GCNT1: variants seen among roughly 807,000 people sequenced by gnomAD.
GCNT1 encodes the protein glucosaminyl (N-acetyl) transferase 1.
GCNT1 carries 16 observed loss-of-function variants against 26.2 expected under a neutral mutation model. The ratio of observed to expected loss-of-function variants is 0.61; its 90% CI spans 0.41 to 0.93. The LOEUF (loss-of-function observed/expected upper bound fraction) is 0.93. GCNT1 is among the 40% of genes least tolerant of loss of function. The pLI, the probability that GCNT1 is intolerant of heterozygous loss-of-function variation, is 0.00. For synonymous variants in GCNT1, 183 were observed against 190.8 expected (o/e 0.96, Z 0.34); for missense variants, 477 against 526.7 (o/e 0.91, Z 0.92).
At chr9:76,430,978 A>T (rs1263843249) in intron 1 of GCNT1, among the ~76,000 whole-genome samples, 1 of 152,172 alleles carries the variant, frequency 6.6e-6, no homozygotes, top group African/African-American at 2.4e-5. Flanking sequence ...GAGCCACTGT[A>T]CCTGGCCTCA....
At chr9:76,449,269 GC>G (rs1159013891) in intron 1 of GCNT1, among the ~76,000 whole-genome samples, 1 of 151,752 alleles carries the variant, frequency 6.6e-6, no homozygotes, top group Admixed American at 6.6e-5. Context: ...CCACACTCCA[GC>G]CTGGGCAACA....
upstream of GCNT1, among the ~76,000 whole-genome samples, chr9:76,439,196 C>T (rs966192057): frequency 3.3e-5 from 5 of 151,176 alleles, no homozygotes; most frequent in Non-Finnish European, 7.4e-5. Flanking sequence ...GATGTGCAGT[C>T]AGCAATCTGT....
rs35387152 is a variant in GCNT1 at position 76,467,897 on chromosome 9, G to GTTTTTT, written c.-290+7744_-290+7749dup. On this transcript the variant is annotated intron_variant, in intron 2 of 3. Coordinates refer to ENST00000376730, the MANE Select transcript of GCNT1 (RefSeq NM_001490.5). ...GAATGCCAGTGGTCCCTCTTTCAGT[G>GTTTTTT]TTTTTTTTTTTTTTTTTTTTTTTTT... Among the ~76,000 whole-genome samples the GTTTTTT allele has an allele frequency of 3.4e-4, 20 of 59,094 alleles. 1 individual carries two copies. The highest frequency in any genetic ancestry group is 8.7e-4 in the African/African-American group (12 of 13,814). The allele number at this position is 59,094 out of a possible 152,430, so 38.8% of individuals were successfully genotyped here. A position where few individuals can be genotyped will look rare whatever the true frequency, so the allele number is the denominator to read the frequency against.
intron 1 of GCNT1, among the ~76,000 whole-genome samples, chr9:76,433,006 C>G (rs1024604430): frequency 6.6e-6 from 1 of 152,174 alleles, no homozygotes; most frequent in African/African-American, 2.4e-5. Context: ...CCCAGCCACA[C>G]TGAGAGAGAG....
chr9:76,468,368 A>C (rs1308944850), intron 2 of GCNT1, among the ~76,000 whole-genome samples: 2 of 152,294 alleles, frequency 1.3e-5, no homozygotes, highest in East Asian at 1.9e-4. Flanking sequence ...AGAAACACAA[A>C]GGCTTTAAAT....
chr9:76,483,939 C>G (rs551956125), intron 2 of GCNT1, among the ~76,000 whole-genome samples: 1 of 152,290 alleles, frequency 6.6e-6, no homozygotes, highest in South Asian at 2.1e-4. Flanking sequence ...CTCAACCTTC[C>G]AAGTAGCTGG....
At chr9:76,467,180 C>T (rs550644210) in intron 2 of GCNT1, among the ~76,000 whole-genome samples, 23 of 152,226 alleles carry the variant, frequency 1.5e-4, no homozygotes, top group South Asian at 4.2e-4. Context: ...GTATCTGGGA[C>T]TACAGGCACC....
rs181034927 is a variant in GCNT1, at chr9:76,506,813, G to C, written c.*3145G>C. 6.0e-6 allele frequency: 1 copy of C among 166,870 alleles called. No individual in the cohort carries two copies. The highest frequency in any genetic ancestry group is 1.5e-5 in the Non-Finnish European group (1 of 68,082). 10.3% of individuals were successfully genotyped at this position (166,870 alleles called of 1,614,324 possible). ...AAATAACATAAGTAGATTTTCTCTT[G>C]TAGTGATTTGGGTAGGAAGAGGCCA... On this transcript the variant is annotated 3_prime_UTR_variant, in exon 4 of 4. Coordinates refer to ENST00000376730, the MANE Select transcript of GCNT1 (RefSeq NM_001490.5).
chr9:76,402,731 G>A, the GCNT1 span, among the ~76,000 whole-genome samples: 1 of 151,406 alleles, frequency 6.6e-6, no homozygotes, highest in African/African-American at 2.4e-5. Context: ...CCAGGCTGGA[G>A]TACAATGGCA....
upstream of GCNT1, among the ~76,000 whole-genome samples, chr9:76,417,512 G>A (rs141628106): frequency 3.3e-5 from 5 of 152,278 alleles, no homozygotes; most frequent in East Asian, 5.8e-4. Flanking sequence ...ATGTTTTTAC[G>A]TCAACTGAAC....
chr9:76,499,049 A>ATT (rs1824988811), intron 2 of GCNT1, among the ~76,000 whole-genome samples: 1 of 47,548 alleles, frequency 2.1e-5, no homozygotes, highest in Admixed American at 2.4e-4. Context: ...TGCTAGTGAT[A>ATT]ATTTTTTTTT....
upstream of GCNT1, among the ~76,000 whole-genome samples, chr9:76,417,350 A>G (rs146217404): frequency 3.9e-4 from 59 of 152,324 alleles, no homozygotes; most frequent in East Asian, 0.011. Flanking sequence ...ATCACAATGT[A>G]GTGTTGGAAG....
At chr9:76,428,283 A>AAAAAAAC (rs1564220562) in intron 1 of GCNT1, among the ~76,000 whole-genome samples, 1 of 142,334 alleles carries the variant, frequency 7.0e-6, no homozygotes, top group East Asian at 1.9e-4. Context: ...AAAAAAAAAA[A>AAAAAAAC]AAAAAACTTA....
At chr9:76,413,653 G>GTTTTTTTTTGTTTGTTTT in the GCNT1 span, among the ~76,000 whole-genome samples, 1 of 118,664 alleles carries the variant, frequency 8.4e-6, no homozygotes, top group Non-Finnish European at 1.8e-5. Context: ...GTTTTGTTTT[G>GTTTTTTTTTGTTTGTTTT]TTTTTTTTTT....
At chr9:76,463,732 CT>C (rs924795073) in intron 2 of GCNT1, among the ~76,000 whole-genome samples, 1 of 75,614 alleles carries the variant, frequency 1.3e-5, no homozygotes, top group African/African-American at 1.0e-4. Flanking sequence ...GGGTCCCTGC[CT>C]TTATGAGCTT....
chr9:76,472,426 C>A (rs1290737895), intron 2 of GCNT1, among the ~76,000 whole-genome samples: 1 of 152,340 alleles, frequency 6.6e-6, no homozygotes. Flanking sequence ...CGTGAAAGAA[C>A]ACATACCCAC....
At chr9:76,428,284 AAAAAACTT>A (rs1224941872) in intron 1 of GCNT1, among the ~76,000 whole-genome samples, 37 of 142,152 alleles carry the variant, frequency 2.6e-4, no homozygotes, top group South Asian at 4.7e-4. Flanking sequence ...AAAAAAAAAA[AAAAAACTT>A]AAAAAAAAAA....
At chr9:76,411,694 A>G in the GCNT1 span, among the ~76,000 whole-genome samples, 3 of 69,868 alleles carry the variant, frequency 4.3e-5, no homozygotes, top group Non-Finnish European at 2.9e-5. Flanking sequence ...CACATCAATT[A>G]TACTTTTTTT....
chr9:76,495,061 G>A (rs538411478), intron 2 of GCNT1, among the ~76,000 whole-genome samples: 1 of 152,212 alleles, frequency 6.6e-6, no homozygotes, highest in East Asian at 1.9e-4. Flanking sequence ...CTGGCCGATA[G>A]GTGCCCAGTA....
Sources: gnomAD v4.1 joint callset for allele counts (sites outside exome capture counted in the v4.1 genomes callset) on GRCh38, gnomAD v4.1.1 for gene constraint, MANE v1.5 for transcripts, NCBI Gene and HGNC (gene_info 2026-07-23, HGNC 2026-07-21) for gene names.